The following SH3RF3 variants were observed in gnomAD, a reference collection of about 807,000 sequenced individuals.
SH3RF3 encodes the protein SH3 domain containing ring finger 3, also known as E3 ubiquitin-protein ligase SH3RF3.
SH3RF3 carries 29 observed loss-of-function variants against 66.3 expected under a neutral mutation model. The observed-to-expected ratio is 0.44, with a 90% CI of 0.33 to 0.60. The LOEUF is 0.60. Ranked by LOEUF, SH3RF3 falls within the 20% of genes least tolerant of loss-of-function variation. The pLI is 0.04. For synonymous variants in SH3RF3, 583 were observed against 532.0 expected (o/e 1.10, Z -1.32); for missense variants, 1,194 against 1,190.9 (o/e 1.00, Z -0.04).
At chr2:109,169,755 C>T (rs1413328855) in intron 1 of SH3RF3, among the ~76,000 whole-genome samples, 2 of 65,542 alleles carry the variant, frequency 3.1e-5, no homozygotes, top group Non-Finnish European at 5.1e-5. Context: ...AACAACCATA[C>T]ACACACACAC....
intron 1 of SH3RF3, among the ~76,000 whole-genome samples, chr2:109,138,821 C>T (rs1048379327): frequency 1.3e-5 from 2 of 152,218 alleles, no homozygotes; most frequent in Non-Finnish European, 2.9e-5. Flanking sequence ...TCAGTCCACA[C>T]ATATGTACTG....
chr2:109,156,915 C>T (rs923556940), intron 1 of SH3RF3, among the ~76,000 whole-genome samples: 3 of 152,172 alleles, frequency 2.0e-5, no homozygotes, highest in Non-Finnish European at 4.4e-5. Flanking sequence ...TTAATGCTTT[C>T]TTTCCAGTTC....
At chr2:109,463,520 C>G (rs190693404) in intron 8 of SH3RF3, among the ~76,000 whole-genome samples, 4 of 152,130 alleles carry the variant, frequency 2.6e-5, no homozygotes, top group Non-Finnish European at 4.4e-5. Flanking sequence ...TTCTCATAGT[C>G]GTGGTGAAAG....
intron 1 of SH3RF3, among the ~76,000 whole-genome samples, chr2:109,133,065 C>T (rs1050610196): frequency 1.3e-5 from 2 of 152,218 alleles, no homozygotes; most frequent in Non-Finnish European, 2.9e-5. Flanking sequence ...CTGGCTTGGG[C>T]TTTCTGGATG....
intron 8 of SH3RF3, among the ~76,000 whole-genome samples, chr2:109,487,378 G>A (rs749082148): frequency 3.9e-5 from 6 of 152,142 alleles, no homozygotes; most frequent in Non-Finnish European, 7.3e-5. Context: ...CATATTCCAT[G>A]GATTCCGTGA....
intron 1 of SH3RF3, among the ~76,000 whole-genome samples, chr2:109,202,363 C>T (rs1480239611): frequency 3.3e-5 from 5 of 152,200 alleles, no homozygotes; most frequent in Non-Finnish European, 7.3e-5. Flanking sequence ...GGGCTTTCCA[C>T]TCTCTGTTTG....
intron 4 of SH3RF3, among the ~76,000 whole-genome samples, chr2:109,415,545 G>T (rs76482678): frequency 0.013 from 1,994 of 152,228 alleles, 23 homozygotes; most frequent in Middle Eastern, 0.037. Flanking sequence ...CCCTCTGCCG[G>T]TGCAGGCTGG....
intron 1 of SH3RF3, among the ~76,000 whole-genome samples, chr2:109,154,802 A>G (rs1387192148): frequency 6.6e-6 from 1 of 152,174 alleles, no homozygotes; most frequent in East Asian, 1.9e-4. Flanking sequence ...TGGTGACACC[A>G]ACCTGCTGCA....
At chr2:109,286,132 C>A (rs1681024744) in intron 1 of SH3RF3, among the ~76,000 whole-genome samples, 1 of 152,164 alleles carries the variant, frequency 6.6e-6, no homozygotes, top group Non-Finnish European at 1.5e-5. Flanking sequence ...AGGCCTGGTG[C>A]TTTGTACCTG....
At chr2:109,401,167 C>A (rs1455215225) in intron 4 of SH3RF3, among the ~76,000 whole-genome samples, 1 of 152,198 alleles carries the variant, frequency 6.6e-6, no homozygotes, top group Admixed American at 6.5e-5. Context: ...GGGGAGCTCA[C>A]CCTGTTTGTC....
chr2:109,203,547 G>C (rs1253163241), intron 1 of SH3RF3, among the ~76,000 whole-genome samples: 1 of 152,168 alleles, frequency 6.6e-6, no homozygotes, highest in East Asian at 1.9e-4. Flanking sequence ...TGCATTTGGA[G>C]CCCTCTGGGA....
At chr2:109,284,368 G>A (rs1043009268) in intron 1 of SH3RF3, among the ~76,000 whole-genome samples, 2 of 152,210 alleles carry the variant, frequency 1.3e-5, no homozygotes, top group African/African-American at 2.4e-5. Context: ...CAGACAAGCT[G>A]CAGGAGATGA....
chr2:109,423,549 T>C (rs1676939511), intron 5 of SH3RF3, among the ~76,000 whole-genome samples: 1 of 152,122 alleles, frequency 6.6e-6, no homozygotes, highest in Non-Finnish European at 1.5e-5. Flanking sequence ...GGTGCTGCAC[T>C]CAGCCTGCAA....
At chr2:109,485,879 C>T (rs1441305592) in intron 8 of SH3RF3, among the ~76,000 whole-genome samples, 1 of 152,258 alleles carries the variant, frequency 6.6e-6, no homozygotes, top group Admixed American at 6.5e-5. Context: ...CGCAAGCCTC[C>T]AGTCCCTGGC....
chr2:109,152,625 T>A lies in SH3RF3; in HGVS notation c.573+22512T>A, dbSNP rs1196011399. On this transcript the variant is annotated intron_variant, in intron 1 of 9. Coordinates refer to ENST00000309415, the MANE Select transcript of SH3RF3 (RefSeq NM_001099289.3). ...TTTATATTTAAAGCTGTGGGGATTATCATTCTCTTTAAACGGCATTATTTA... is the reference window on the plus strand; with the variant it reads ...TTTATATTTAAAGCTGTGGGGATTAACATTCTCTTTAAACGGCATTATTTA... 3.9e-5 allele frequency among the ~76,000 whole-genome samples: 6 copies of A among 152,360 alleles called. 1 individual carries two copies. The highest frequency in any genetic ancestry group is 2.0e-4 in the Admixed American group (3 of 15,310).
At chr2:109,262,981 C>T (rs999219355) in intron 1 of SH3RF3, among the ~76,000 whole-genome samples, 3 of 151,912 alleles carry the variant, frequency 2.0e-5, no homozygotes, top group African/African-American at 4.8e-5. Flanking sequence ...TACAGGTGCC[C>T]GCCACCACAC....
intron 5 of SH3RF3, among the ~76,000 whole-genome samples, chr2:109,424,718 A>G (rs1016075429): frequency 6.6e-6 from 1 of 152,126 alleles, no homozygotes; most frequent in African/African-American, 2.4e-5. Flanking sequence ...CTTACTCGAT[A>G]AGTGATGTGT....
At chr2:109,360,703 C>G (rs939689087) in intron 2 of SH3RF3, among the ~76,000 whole-genome samples, 4 of 152,174 alleles carry the variant, frequency 2.6e-5, no homozygotes, top group African/African-American at 9.7e-5. Flanking sequence ...AGTATTAGTT[C>G]TAGAAGTTCT....
chr2:109,357,056 T>A (rs971668338), intron 2 of SH3RF3, among the ~76,000 whole-genome samples: 13 of 151,854 alleles, frequency 8.6e-5, no homozygotes, highest in African/African-American at 2.2e-4. Flanking sequence ...GTTACCTTTT[T>A]AAAATTTTTT....
Sources: gnomAD v4.1 joint callset for allele counts (sites outside exome capture counted in the v4.1 genomes callset) on GRCh38, gnomAD v4.1.1 for gene constraint, MANE v1.5 for transcripts, NCBI Gene and HGNC (gene_info 2026-07-23, HGNC 2026-07-21) for gene names.